SCN1A: variants seen among roughly 807,000 people sequenced by gnomAD.
SCN1A encodes the protein sodium voltage-gated channel alpha subunit 1.
A neutral mutation model predicts 193.7 loss-of-function variants in SCN1A; 13 were observed. That is an observed-to-expected ratio of 0.07 (90% CI 0.04 to 0.11). The LOEUF is 0.11. Ranked by LOEUF, SCN1A falls within the 10% of genes least tolerant of loss-of-function variation. The pLI is 1.00. For missense variants in SCN1A, 1,432 were observed against 2,451.1 expected (o/e 0.58, Z 8.78); for synonymous variants, 781 against 843.6 (o/e 0.93, Z 1.29).
Position 165,994,254 on chromosome 2 carries a change from C to A in SCN1A, c.4744G>T (p.Val1582Leu). The change falls in exon 28 of 29, where the codon GTG becomes TTG. Residue 1582 changes from valine (V) to leucine (L), a missense_variant. By Grantham distance (32) the Val-to-Leu change is conservative. This residue lies in a region of SCN1A where 85 missense variants were observed against 119.1 expected (regional missense o/e 0.71). Transcript: ENST00000674923. ...ILSRINLVFI[V>L]LFTGECVLKL... ...AGTACACACTCTCCAGTAAATAGCA[C>A]AATGAACACCAGATTGATGCGTGAC... The A allele has an allele frequency of 6.2e-7, 1 of 1,613,180 alleles. No homozygotes were observed. Among genetic ancestry groups the A allele is most frequent in the Non-Finnish European group, 8.5e-7 (1 of 1,179,496 alleles).
intron 2 of SCN1A, among the ~76,000 whole-genome samples, chr2:166,120,484 TTA>T: frequency 1.3e-5 from 2 of 151,756 alleles, no homozygotes; most frequent in South Asian, 4.2e-4. Flanking sequence ...CATTGAAACA[TTA>T]TGTTTAATGG....
chr2:166,078,743 G>T (rs1024732768), intron 2 of SCN1A, among the ~76,000 whole-genome samples: 1 of 151,544 alleles, frequency 6.6e-6, no homozygotes, highest in Non-Finnish European at 1.5e-5. Context: ...TGCAGCCTTT[G>T]AAAAATAATC....
rs185730563 is a variant in SCN1A, at chr2:166,124,205, C to T, written c.-142+2719G>A. On this transcript the variant is annotated intron_variant, in intron 2 of 28. Transcript: ENST00000674923. ...ATTCACCACATTCCTGCACTTAGAA[C>T]GCAGACCCTTCTATCTTCTATTGTA... 3.1e-3 allele frequency among the ~76,000 whole-genome samples: 479 copies of T among 152,094 alleles called. 4 individuals are homozygous for T. The highest frequency in any genetic ancestry group is 0.011 in the African/African-American group (453 of 41,500).
chr2:166,032,382 T>TAC (rs1391986884), intron 19 of SCN1A, among the ~76,000 whole-genome samples: 8 of 152,084 alleles, frequency 5.3e-5, no homozygotes, highest in Admixed American at 5.2e-4. Flanking sequence ...GAGATTAATA[T>TAC]ACTACAGGCA....
At chr2:166,065,756 A>G (rs910772341) in intron 4 of SCN1A, among the ~76,000 whole-genome samples, 2 of 152,262 alleles carry the variant, frequency 1.3e-5, no homozygotes, top group South Asian at 2.1e-4. Flanking sequence ...CACAGATTAC[A>G]AACTAAAATG....
intron 18 of SCN1A, among the ~76,000 whole-genome samples, chr2:166,037,072 C>T (rs1479484847): frequency 6.6e-6 from 1 of 152,112 alleles, no homozygotes; most frequent in Middle Eastern, 3.2e-3. Context: ...AATAATCTCT[C>T]ATATTTCCAT....
chr2:166,028,283 A>G (rs1014844321), intron 19 of SCN1A, among the ~76,000 whole-genome samples: 5 of 152,170 alleles, frequency 3.3e-5, no homozygotes, highest in Admixed American at 2.6e-4. Flanking sequence ...ATTCTGAAAA[A>G]TTGCATTTAT....
chr2:166,132,092 A>T (rs755415006), upstream of SCN1A, among the ~76,000 whole-genome samples: 12 of 152,184 alleles, frequency 7.9e-5, no homozygotes, highest in Non-Finnish European at 1.5e-4. Flanking sequence ...GAGTACCTTG[A>T]GGTGGTATCC....
chr2:166,110,941 C>A (rs1298955658), intron 2 of SCN1A, among the ~76,000 whole-genome samples: 1 of 152,106 alleles, frequency 6.6e-6, no homozygotes, highest in African/African-American at 2.4e-5. Flanking sequence ...TAAAACATCC[C>A]TTTGCTCCTC....
chr2:166,142,172 A>C (rs1338760242), intron 1 of SCN1A, among the ~76,000 whole-genome samples: 1 of 152,224 alleles, frequency 6.6e-6, no homozygotes, highest in Non-Finnish European at 1.5e-5. Context: ...CCAGATCAGA[A>C]GGGCCTGGCA....
At chr2:166,091,365 A>G (rs1261225961) in intron 2 of SCN1A, among the ~76,000 whole-genome samples, 1 of 152,194 alleles carries the variant, frequency 6.6e-6, no homozygotes, top group African/African-American at 2.4e-5. Context: ...CTAGACATAT[A>G]GCAATTTTAA....
At chr2:165,998,283 G>T in intron 25 of SCN1A, 108 bp from the exon 26 acceptor site, 3 of 924,746 alleles carry the variant, frequency 3.2e-6, no homozygotes, top group South Asian at 1.9e-5. Flanking sequence ...TAATATGTCA[G>T]CATTTTTTTT....
rs373168416 is a variant in SCN1A, at chr2:166,056,521, A to T, written c.384-21T>A. 654 of 1,505,980 alleles carry T rather than the reference A, an allele frequency of 4.3e-4. No individual in the cohort carries two copies. The highest frequency in any genetic ancestry group is 5.1e-4 in the Non-Finnish European group (552 of 1,081,988). The allele number at this position is 1,505,980 out of a possible 1,614,324, so 93.3% of individuals were successfully genotyped here. ...ATAATGTAGGTTATTGTTAAGGAAC[A>T]CACAAAAGAAAATCAAAATCCAAGT... On this transcript the variant is annotated intron_variant, in intron 5 of 28. Transcript: ENST00000674923.
intron 10 of SCN1A, among the ~76,000 whole-genome samples, chr2:166,048,241 G>T (rs1344440255): frequency 6.6e-6 from 1 of 151,944 alleles, no homozygotes; most frequent in East Asian, 1.9e-4. Flanking sequence ...ACATGTACAG[G>T]TTTGTTATAT....
chr2:166,086,742 G>C (rs545054853), intron 2 of SCN1A, among the ~76,000 whole-genome samples: 1 of 152,198 alleles, frequency 6.6e-6, no homozygotes, highest in South Asian at 2.1e-4. Context: ...GTCTACTTAA[G>C]TTTGCTTTCA....
chr2:166,046,776 T>A lies in SCN1A; in HGVS notation c.1371A>T (p.Ala457=), dbSNP rs1255133054. 4 of 1,613,642 alleles carry A rather than the reference T, an allele frequency of 2.5e-6. No homozygotes were observed. Among genetic ancestry groups the A allele is most frequent in the Non-Finnish European group, 3.4e-6 (4 of 1,179,630 alleles). Residue 457 remains alanine (A), a synonymous_variant, in exon 12 of 29, where the codon GCA becomes GCT. Coordinates refer to ENST00000674923, the MANE Select transcript of SCN1A (RefSeq NM_001165963.4). Reference sequence around the variant, plus strand: ...TGAGACAGGGCAGCTTTACCTGAGCTGCCTCCTGTTGCTTTTTAAGCTGTT... The same window carrying A: ...TGAGACAGGGCAGCTTTACCTGAGCAGCCTCCTGTTGCTTTTTAAGCTGTT... ...MIEQLKKQQE[A]AQQAATATAS... is the part of the protein sequence containing the mutation.
intron 2 of SCN1A, among the ~76,000 whole-genome samples, chr2:166,106,031 C>CA (rs1192340232): frequency 1.3e-5 from 2 of 152,010 alleles, no homozygotes; most frequent in African/African-American, 4.8e-5. Context: ...ACTAAAAATA[C>CA]AAAAAATGAG....
At chr2:166,033,252 G>A (rs964788223) in intron 19 of SCN1A, among the ~76,000 whole-genome samples, 1 of 152,132 alleles carries the variant, frequency 6.6e-6, no homozygotes, top group Non-Finnish European at 1.5e-5. Flanking sequence ...AGCTGAAACA[G>A]TCTTTCTGAA....
chr2:166,115,677 T>C (rs944324874), intron 2 of SCN1A, among the ~76,000 whole-genome samples: 7 of 152,328 alleles, frequency 4.6e-5, no homozygotes, highest in African/African-American at 1.7e-4. Context: ...TGTCAGGTAT[T>C]AATATTAAAG....
Sources: gnomAD v4.1 joint callset for allele counts (sites outside exome capture counted in the v4.1 genomes callset) on GRCh38, gnomAD v4.1.1 for gene constraint, gnomAD v4.1.1 regional missense constraint, MANE v1.5 for transcripts, NCBI Gene and HGNC (gene_info 2026-07-23, HGNC 2026-07-21) for gene names.